TAFA2: variants seen among roughly 807,000 people sequenced by gnomAD.
The protein encoded by TAFA2 is chemokine-like protein TAFA-2.
Under a neutral mutation model 18.8 loss-of-function variants are expected in TAFA2, and 7 were observed. The ratio of observed to expected loss-of-function variants is 0.37; its 90% CI spans 0.21 to 0.70. The LOEUF (loss-of-function observed/expected upper bound fraction) is 0.70, where lower values mean the gene tolerates loss of function less well. TAFA2 is among the 30% of genes least tolerant of loss of function. The probability of loss-of-function intolerance (pLI) is 0.53; values close to 1 mark genes in which losing one functional copy is unlikely to be tolerated. For synonymous variants in TAFA2, 60 were observed against 54.2 expected (o/e 1.11, Z -0.47); for missense variants, 122 against 158.1 (o/e 0.77, Z 1.23).
At chr12:62,177,731 G>T (rs1354997479) in intron 1 of TAFA2, among the ~76,000 whole-genome samples, 1 of 152,072 alleles carries the variant, frequency 6.6e-6, no homozygotes. Flanking sequence ...ATAACCCCCA[G>T]CAGTCACCTA....
upstream of TAFA2, among the ~76,000 whole-genome samples, chr12:62,196,685 A>G (rs2062650359): frequency 6.6e-6 from 1 of 152,158 alleles, no homozygotes; most frequent in Admixed American, 6.5e-5. Context: ...TAATAGTAAC[A>G]TCAAAGACCA....
At chr12:61,879,742 C>T in intron 1 of TAFA2, 3 of 1,226,522 alleles carry the variant, frequency 2.4e-6, no homozygotes, top group Non-Finnish European at 3.6e-6. Flanking sequence ...ACAACATGTT[C>T]CAGAGCTACA....
intron 2 of TAFA2, among the ~76,000 whole-genome samples, chr12:61,851,929 C>A (rs987178469): frequency 6.6e-6 from 1 of 150,786 alleles, no homozygotes; most frequent in Admixed American, 6.6e-5. Context: ...AAAGACAAGC[C>A]GGGCACGGTG....
intron 2 of TAFA2, among the ~76,000 whole-genome samples, chr12:61,801,105 T>C (rs1297629820): frequency 6.6e-6 from 1 of 151,886 alleles, no homozygotes; most frequent in East Asian, 1.9e-4. Context: ...CAGAAAACTA[T>C]AAAAGAAATG....
At chr12:62,020,324 C>T (rs371740636) in intron 1 of TAFA2, among the ~76,000 whole-genome samples, 7 of 152,156 alleles carry the variant, frequency 4.6e-5, no homozygotes, top group African/African-American at 1.4e-4. Flanking sequence ...CTCATTACAG[C>T]CCCCATCCTT....
chr12:61,851,807 A>C (rs1446482570), intron 2 of TAFA2, among the ~76,000 whole-genome samples: 2 of 145,136 alleles, frequency 1.4e-5, no homozygotes, highest in South Asian at 2.2e-4. Flanking sequence ...AAAAAAAAAA[A>C]AAAAAAAAAA....
intron 1 of TAFA2, among the ~76,000 whole-genome samples, chr12:61,973,395 A>AT (rs33918768): frequency 0.13 from 17,692 of 135,484 alleles, 1,170 homozygotes; most frequent in Admixed American, 0.18. Flanking sequence ...TATTATTTAG[A>AT]TTTTTTTTTT....
At chr12:61,886,616 T>C (rs1875392990) in intron 1 of TAFA2, among the ~76,000 whole-genome samples, 1 of 152,216 alleles carries the variant, frequency 6.6e-6, no homozygotes, top group Admixed American at 6.5e-5. Context: ...TGGCAAGTTC[T>C]CGTGTGGGTC....
intron 1 of TAFA2, among the ~76,000 whole-genome samples, chr12:62,038,702 A>G (rs774515027): frequency 8.1e-4 from 123 of 152,318 alleles, no homozygotes; most frequent in Non-Finnish European, 1.2e-3. Flanking sequence ...GAAAGGGAAA[A>G]AACAAAATAC....
chr12:61,763,646 CA>C (rs796250330), intron 2 of TAFA2, among the ~76,000 whole-genome samples: 13 of 151,988 alleles, frequency 8.6e-5, no homozygotes, highest in African/African-American at 3.1e-4. Context: ...AGCTGCAGAA[CA>C]GACACATGGA....
At chr12:61,859,927 G>T (rs12818281) in intron 2 of TAFA2, among the ~76,000 whole-genome samples, 42,722 of 151,952 alleles carry the variant, frequency 0.28, 6,573 homozygotes, top group South Asian at 0.39. Context: ...TATTTACTAT[G>T]ATATAAGCAT....
intron 4 of TAFA2, among the ~76,000 whole-genome samples, chr12:61,734,525 TA>T (rs996631206): frequency 4.0e-4 from 61 of 151,682 alleles, no homozygotes; most frequent in African/African-American, 1.3e-3. Context: ...AATAATAAAA[TA>T]AAAAAAACTA....
intron 1 of TAFA2, among the ~76,000 whole-genome samples, chr12:61,904,103 T>C (rs989053976): frequency 6.6e-6 from 1 of 152,190 alleles, no homozygotes. Context: ...AGCATCCTTC[T>C]GTATCAACTA....
intron 1 of TAFA2, among the ~76,000 whole-genome samples, chr12:61,984,055 G>A (rs553316311): frequency 8.5e-5 from 13 of 152,066 alleles, no homozygotes; most frequent in African/African-American, 2.2e-4. Flanking sequence ...ATATAAACAC[G>A]CACTCATTTT....
intron 1 of TAFA2, among the ~76,000 whole-genome samples, chr12:62,105,326 AG>A (rs370546321): frequency 1.6e-3 from 242 of 152,336 alleles, no homozygotes; most frequent in African/African-American, 5.6e-3. Context: ...GTATTTCACC[AG>A]GGGGAAAAAG....
chr12:61,980,302 G>T (rs1319848405), intron 1 of TAFA2, among the ~76,000 whole-genome samples: 1 of 152,162 alleles, frequency 6.6e-6, no homozygotes, highest in Non-Finnish European at 1.5e-5. Flanking sequence ...TAGAATGAAT[G>T]TATCTCAAAA....
At chr12:61,784,716 T>G (rs1870653353) in intron 2 of TAFA2, among the ~76,000 whole-genome samples, 1 of 151,488 alleles carries the variant, frequency 6.6e-6, no homozygotes, top group Non-Finnish European at 1.5e-5. Flanking sequence ...AAAAAAAAGT[T>G]TATTTCAAAT....
At chr12:61,833,045 A>G (rs1361322584) in intron 2 of TAFA2, among the ~76,000 whole-genome samples, 1 of 147,342 alleles carries the variant, frequency 6.8e-6, no homozygotes, top group Non-Finnish European at 1.5e-5. Context: ...TTATAAATAT[A>G]TAATGTATAA....
chr12:61,710,012 C>A lies in TAFA2; in HGVS notation c.*394G>T. On this transcript the variant is annotated 3_prime_UTR_variant, in exon 5 of 5. Coordinates refer to ENST00000416284, the MANE Select transcript of TAFA2 (RefSeq NM_178539.5). ...TGAACATAGGACCCAGGAACACATC[C>A]AGGACAGAAGGACAGTGCACTTGGG... 1 of 191,190 alleles carries A rather than the reference C, an allele frequency of 5.2e-6. No homozygotes were observed. Among genetic ancestry groups the A allele is most frequent in the Non-Finnish European group, 1.1e-5 (1 of 93,182 alleles). 11.8% of individuals were successfully genotyped at this position (191,190 alleles called of 1,614,324 possible). A position where few individuals can be genotyped will look rare whatever the true frequency, so the allele number is the denominator to read the frequency against.
Sources: gnomAD v4.1 joint callset for allele counts (sites outside exome capture counted in the v4.1 genomes callset) on GRCh38, gnomAD v4.1.1 for gene constraint, MANE v1.5 for transcripts, NCBI Gene and HGNC (gene_info 2026-07-23, HGNC 2026-07-21) for gene names.